The following HPSE2 variants were observed in gnomAD, a reference collection of about 807,000 sequenced individuals.
HPSE2 encodes inactive heparanase-2.
Under a neutral mutation model 60.5 loss-of-function variants are expected in HPSE2, and 38 were observed. That is an observed-to-expected ratio of 0.63 (90% confidence interval 0.48 to 0.82). HPSE2 has a LOEUF of 0.82. HPSE2 is among the 40% of genes least tolerant of loss of function. HPSE2 has a pLI of 0.00. For synonymous variants in HPSE2, 295 were observed against 293.2 expected (o/e 1.01, Z -0.06); for missense variants, 713 against 740.4 (o/e 0.96, Z 0.43).
At chr10:99,220,910 C>A (rs1849291272) in intron 2 of HPSE2, among the ~76,000 whole-genome samples, 1 of 137,612 alleles carries the variant, frequency 7.3e-6, no homozygotes, top group African/African-American at 2.7e-5. Context: ...GGCTGGAGTG[C>A]AACAGCTCAC....
chr10:98,825,342 G>T (rs932496966), intron 3 of HPSE2, among the ~76,000 whole-genome samples: 2 of 152,016 alleles, frequency 1.3e-5, no homozygotes, highest in Non-Finnish European at 2.9e-5. Context: ...TGGATATGTG[G>T]ATAATTATTT....
chr10:98,797,840 C>T (rs1950814669), intron 3 of HPSE2, among the ~76,000 whole-genome samples: 1 of 150,974 alleles, frequency 6.6e-6, no homozygotes, highest in South Asian at 2.1e-4. Context: ...TGAGACTCCG[C>T]CTCAAAAAAA....
chr10:98,858,606 G>A (rs894646029), intron 3 of HPSE2, among the ~76,000 whole-genome samples: 5 of 152,098 alleles, frequency 3.3e-5, no homozygotes, highest in African/African-American at 1.2e-4. Context: ...AAGCCTCTGT[G>A]GAATTGTGTG....
At chr10:99,253,906 T>C in the HPSE2 span, among the ~76,000 whole-genome samples, 3 of 151,918 alleles carry the variant, frequency 2.0e-5, no homozygotes, top group Non-Finnish European at 4.4e-5. Flanking sequence ...CCACAATGAG[T>C]TGCCATCTCA....
At position 98,544,028 on chromosome 10, in the gene HPSE2, T is replaced by C. The variant is rs570704666; in HGVS notation, c.1321-53832A>G. The stretch of plus-strand genomic sequence containing the variant: ...CCACCCCAAATCAACAGAATATACA[T>C]TTTTTTCAGCACCACACCACACCTA... On this transcript the variant is annotated intron_variant, in intron 9 of 11. Transcript: ENST00000370552. 4.3e-3 allele frequency among the ~76,000 whole-genome samples: 654 copies of C among 151,020 alleles called. 5 individuals carry two copies. The highest frequency in any genetic ancestry group is 0.015 in the African/African-American group (621 of 41,208).
the HPSE2 span, among the ~76,000 whole-genome samples, chr10:99,287,737 G>C: frequency 3.9e-5 from 6 of 152,176 alleles, no homozygotes; most frequent in Non-Finnish European, 5.9e-5. Context: ...AAAATCAATA[G>C]CATTCATATC....
intron 3 of HPSE2, among the ~76,000 whole-genome samples, chr10:98,773,006 T>C (rs1950272450): frequency 6.6e-6 from 1 of 152,150 alleles, no homozygotes. Context: ...CTATTTCCTC[T>C]TCTTTTGGAG....
At chr10:99,294,512 G>A in the HPSE2 span, among the ~76,000 whole-genome samples, 5 of 146,598 alleles carry the variant, frequency 3.4e-5, no homozygotes, top group Non-Finnish European at 7.5e-5. Flanking sequence ...ATGTTGCTGC[G>A]CTATATTTAT....
intron 2 of HPSE2, among the ~76,000 whole-genome samples, chr10:99,173,846 G>C (rs570885799): frequency 1.3e-5 from 2 of 151,450 alleles, no homozygotes; most frequent in Non-Finnish European, 2.9e-5. Context: ...AGGAGGCTGA[G>C]GCAGGAGAAT....
chr10:99,184,731 A>T (rs1241912229), intron 2 of HPSE2, among the ~76,000 whole-genome samples: 2 of 142,260 alleles, frequency 1.4e-5, no homozygotes, highest in East Asian at 2.1e-4. Flanking sequence ...TAACTTAAAC[A>T]TTGCTGAAGA....
At position 98,941,492 on chromosome 10, in the gene HPSE2, G is replaced by C. The variant is rs1352030245; in HGVS notation, c.611-197436C>G. Among the ~76,000 whole-genome samples the C allele has an allele frequency of 3.5e-5, 5 of 142,326 alleles. 1 individual carries two copies. Among genetic ancestry groups the C allele is most frequent in the African/African-American group, 1.2e-4 (4 of 34,496 alleles). 93.4% of individuals were successfully genotyped at this position (142,326 alleles called of 152,430 possible). A position where few individuals can be genotyped will look rare whatever the true frequency, so the allele number is the denominator to read the frequency against. The stretch of plus-strand genomic sequence containing the variant: ...CTCCCATTCACAATTGCTTCAAAGA[G>C]AATAAAATACCTAGGAGTCCAACCT... On this transcript the variant is annotated intron_variant, in intron 3 of 11. Coordinates refer to ENST00000370552, the MANE Select transcript of HPSE2 (RefSeq NM_021828.5).
chr10:99,255,563 TACACACACACACACAC>T, the HPSE2 span, among the ~76,000 whole-genome samples: 16 of 147,328 alleles, frequency 1.1e-4, no homozygotes, highest in Non-Finnish European at 2.0e-4. Flanking sequence ...CATGCACACA[TACACACACACACACAC>T]ACACACACAC....
intron 3 of HPSE2, among the ~76,000 whole-genome samples, chr10:98,996,588 G>A (rs993492269): frequency 2.0e-5 from 3 of 152,136 alleles, no homozygotes; most frequent in Non-Finnish European, 4.4e-5. Flanking sequence ...TTTACAGTCA[G>A]TAAATTCAGA....
chr10:98,862,184 G>A (rs1247912619), intron 3 of HPSE2, among the ~76,000 whole-genome samples: 3 of 152,116 alleles, frequency 2.0e-5, no homozygotes, highest in Non-Finnish European at 4.4e-5. Flanking sequence ...GCAATCTTGA[G>A]CCTCAGGGGC....
Position 98,459,526 on chromosome 10 carries a change from T to C in HPSE2, c.*48A>G, listed in dbSNP as rs1176911091. 25 of 1,597,804 alleles carry C rather than the reference T, an allele frequency of 1.6e-5. No individual in the cohort carries two copies. Among genetic ancestry groups the C allele is most frequent in the Non-Finnish European group, 2.1e-5 (25 of 1,165,830 alleles). On this transcript the variant is annotated 3_prime_UTR_variant, in exon 12 of 12. Coordinates refer to ENST00000370552, the MANE Select transcript of HPSE2 (RefSeq NM_021828.5). ...AGAGGATACTACTGGAGTGGAGGAG[T>C]GGAAGCAGCCCAGCAGGCCCACTGG...
At chr10:99,021,400 T>C (rs1361273230) in intron 3 of HPSE2, among the ~76,000 whole-genome samples, 2 of 152,182 alleles carry the variant, frequency 1.3e-5, no homozygotes, top group Admixed American at 1.3e-4. Flanking sequence ...CCAAGGTTAC[T>C]CATCTTATAA....
At chr10:98,482,294 G>A (rs1382029004) in intron 11 of HPSE2, among the ~76,000 whole-genome samples, 1 of 152,124 alleles carries the variant, frequency 6.6e-6, no homozygotes, top group Non-Finnish European at 1.5e-5. Flanking sequence ...CATGACCATG[G>A]GGCACTATTG....
chr10:99,272,710 A>G, the HPSE2 span, among the ~76,000 whole-genome samples: 1 of 152,184 alleles, frequency 6.6e-6, no homozygotes, highest in Non-Finnish European at 1.5e-5. Context: ...GCAAATCAAA[A>G]CCACAATGCG....
intron 3 of HPSE2, among the ~76,000 whole-genome samples, chr10:98,790,694 A>C (rs1210157680): frequency 2.0e-5 from 3 of 152,228 alleles, no homozygotes; most frequent in Non-Finnish European, 4.4e-5. Context: ...GCTTTACTGA[A>C]TATTTCTACA....
Sources: allele counts gnomAD v4.1 joint callset (sites outside exome capture counted in the v4.1 genomes callset), GRCh38; gene constraint gnomAD v4.1.1; transcripts MANE v1.5; gene names NCBI Gene and HGNC (gene_info 2026-07-23, HGNC 2026-07-21).